ITSN2: variants seen among roughly 807,000 people sequenced by gnomAD.
ITSN2 encodes intersectin-2.
ITSN2 carries 156 observed loss-of-function variants against 243.7 expected under a neutral mutation model. That is an observed-to-expected ratio of 0.64 (90% CI 0.56 to 0.73). The LOEUF (loss-of-function observed/expected upper bound fraction) is 0.73. Among genes scored for constraint, ITSN2 ranks in the 30% least tolerant of loss-of-function variants. ITSN2 has a pLI of 0.00. For synonymous variants in ITSN2, 703 were observed against 699.9 expected (o/e 1.00, Z -0.07); for missense variants, 1,801 against 1,996.1 (o/e 0.90, Z 1.86).
At chr2:24,276,085 G>C (rs766313540) in intron 17 of ITSN2, among the ~76,000 whole-genome samples, 1 of 151,714 alleles carries the variant, frequency 6.6e-6, no homozygotes, top group Non-Finnish European at 1.5e-5. Context: ...TCATTTCTAC[G>C]GAACACAGAA....
chr2:24,356,670 T>C (rs1308089387), intron 1 of ITSN2, among the ~76,000 whole-genome samples: 2 of 152,070 alleles, frequency 1.3e-5, no homozygotes, highest in African/African-American at 2.4e-5. Flanking sequence ...TCCCAGCACT[T>C]TGGGAGGCCA....
intron 13 of ITSN2, among the ~76,000 whole-genome samples, chr2:24,297,307 CTA>C (rs1439829948): frequency 2.0e-5 from 3 of 152,196 alleles, no homozygotes; most frequent in Non-Finnish European, 4.4e-5. Flanking sequence ...TAAAACCCTA[CTA>C]TATGATCAGG....
At chr2:24,245,264 A>G (rs937948138) in intron 29 of ITSN2, among the ~76,000 whole-genome samples, 1 of 152,206 alleles carries the variant, frequency 6.6e-6, no homozygotes, top group East Asian at 1.9e-4. Flanking sequence ...ATAATGAAAT[A>G]GACCTTGATT....
intron 20 of ITSN2, among the ~76,000 whole-genome samples, chr2:24,269,856 A>AAG (rs1677128668): frequency 6.6e-6 from 1 of 152,214 alleles, no homozygotes; most frequent in Non-Finnish European, 1.5e-5. Flanking sequence ...GAATGGTAGG[A>AAG]AGAGCAGACA....
chr2:24,285,960 T>C (rs931136116), intron 16 of ITSN2, among the ~76,000 whole-genome samples: 5 of 152,182 alleles, frequency 3.3e-5, no homozygotes, highest in Non-Finnish European at 5.9e-5. Flanking sequence ...TGGAAATGTA[T>C]AGATGCCAAG....
At position 24,360,418 on chromosome 2, in the gene ITSN2, C is replaced by T. The variant is rs981408787; in HGVS notation, c.-148G>A. ...CCCTGCTCTGCCGCCGTCGCCGCCA[C>T]TGCAGCTGGCTTGGTCGTCAGGCCG... On this transcript the variant is annotated 5_prime_UTR_variant, in exon 1 of 40. The change creates a new upstream start codon in the 5' untranslated region. Coordinates refer to ENST00000355123, the MANE Select transcript of ITSN2 (RefSeq NM_006277.3). The T allele has an allele frequency of 6.6e-6, 1 of 152,608 alleles. No homozygotes were observed. The highest frequency in any genetic ancestry group is 2.1e-4 in the South Asian group (1 of 4,848). The allele number at this position is 152,608 out of a possible 1,614,324, so 9.5% of individuals were successfully genotyped here.
chr2:24,210,128 G>A lies in ITSN2; in HGVS notation c.4258-95C>T, dbSNP rs1270391098. 1.7e-5 allele frequency: 14 copies of A among 835,014 alleles called. No individual in the cohort carries two copies. In the East Asian group the frequency reaches 2.7e-4, roughly 16 times the overall value. The allele number at this position is 835,014 out of a possible 1,614,324, so 51.7% of individuals were successfully genotyped here. A position where few individuals can be genotyped will look rare whatever the true frequency, so the allele number is the denominator to read the frequency against. On this transcript the variant is annotated intron_variant, in intron 34 of 39. Coordinates refer to ENST00000355123, the MANE Select transcript of ITSN2 (RefSeq NM_006277.3). ...GCCCTGGGCCTGAGGATACTGTGGT[G>A]GAGTTTTCTAGGTGGGAATGTGGCT...
At chr2:24,323,128 G>A (rs1684775400) in intron 2 of ITSN2, among the ~76,000 whole-genome samples, 1 of 151,916 alleles carries the variant, frequency 6.6e-6, no homozygotes, top group Admixed American at 6.6e-5. Context: ...AAATGTGACA[G>A]TCACTTTGGA....
chr2:24,303,589 A>T (rs1224727864), intron 9 of ITSN2, among the ~76,000 whole-genome samples: 4 of 152,208 alleles, frequency 2.6e-5, no homozygotes, highest in Non-Finnish European at 2.9e-5. Context: ...TATTTTTTGT[A>T]AATTTGGTGT....
chr2:24,332,118 T>A (rs1028106113), intron 1 of ITSN2, among the ~76,000 whole-genome samples: 4 of 152,218 alleles, frequency 2.6e-5, no homozygotes, highest in Admixed American at 6.5e-5. Context: ...GGCACATGCC[T>A]GTAATCCCAG....
At chr2:24,304,947 T>C (rs775375352) in intron 8 of ITSN2, among the ~76,000 whole-genome samples, 2 of 152,210 alleles carry the variant, frequency 1.3e-5, no homozygotes, top group Non-Finnish European at 2.9e-5. Flanking sequence ...GGATATCCTA[T>C]ATCCTCTGCT....
chr2:24,287,708 C>A (rs1679695688), intron 15 of ITSN2, among the ~76,000 whole-genome samples: 1 of 152,018 alleles, frequency 6.6e-6, no homozygotes, highest in Non-Finnish European at 1.5e-5. Context: ...CTCGTTATCT[C>A]TGATCTTTTT....
rs76261947 is a variant in ITSN2, at chr2:24,249,685, A to T, written c.3121-803T>A. On this transcript the variant is annotated intron_variant, in intron 25 of 39. Transcript: ENST00000355123. This position sits in a 1 kb window ranked among gnomAD's most constrained non-coding sequence, Gnocchi z 4.4. ...AAGTAATTATGATTATCCCCATTTT[A>T]CAGAGAAGGAAACTGAGGCACAGAA... 7.6e-4 allele frequency among the ~76,000 whole-genome samples: 116 copies of T among 152,306 alleles called. No individual in the cohort carries two copies. Among genetic ancestry groups the T allele is most frequent in the African/African-American group, 2.6e-3 (109 of 41,562 alleles).
In ITSN2 at chr2:24,254,417, T is replaced by C; in HGVS notation, c.2903A>G (p.Tyr968Cys). Reference protein sequence around the residue: ...EVKREEPEALYAAVNKKPTSA... With the variant: ...EVKREEPEALCAAVNKKPTSA... ...GGTAGGTTTCTTATTTACAGCTGCATACAAAGCTTCTGGTCTACCAAATAT... is the reference window on the plus strand; with the variant it reads ...GGTAGGTTTCTTATTTACAGCTGCACACAAAGCTTCTGGTCTACCAAATAT... Residue 968 changes from tyrosine to cysteine, a missense_variant, in exon 24 of 40, where the codon TAT (tyrosine) becomes TGT (cysteine). By Grantham distance (194) the Tyr-to-Cys change is radical. This residue lies in a region of ITSN2 where 928 missense variants were observed against 1,065.4 expected (regional missense o/e 0.87). Coordinates refer to ENST00000355123, the MANE Select transcript of ITSN2 (RefSeq NM_006277.3). 6.2e-7 allele frequency: 1 copy of C among 1,611,382 alleles called. No individual in the cohort carries two copies. Among genetic ancestry groups the C allele is most frequent in the Non-Finnish European group, 8.5e-7 (1 of 1,177,864 alleles).
Position 24,305,498 on chromosome 2 carries a change from C to T in ITSN2, c.794-1636G>A, listed in dbSNP as rs1682401695. Among the ~76,000 whole-genome samples, 3 of 149,766 alleles carry T rather than the reference C, an allele frequency of 2.0e-5. No homozygotes were observed. The South Asian group carries it at 6.3e-4, about 32-fold the overall frequency. ...GTAGGAGGCAGGAGAATCGCTGGAA[C>T]CCGGGGAGGCAGAGGCTGCAGTGGG... On this transcript the variant is annotated intron_variant, in intron 8 of 39. Coordinates refer to ENST00000355123, the MANE Select transcript of ITSN2 (RefSeq NM_006277.3).
intron 34 of ITSN2, 147 bp from the exon 35 acceptor site, chr2:24,210,180 C>G (rs908882559): frequency 1.6e-6 from 1 of 617,556 alleles, no homozygotes; most frequent in East Asian, 2.7e-5. Flanking sequence ...CATGAAAGAT[C>G]CTTAAATACA....
intron 18 of ITSN2, among the ~76,000 whole-genome samples, chr2:24,272,545 C>A (rs995172986): frequency 6.6e-6 from 1 of 151,788 alleles, no homozygotes; most frequent in East Asian, 1.9e-4. Context: ...GATCCTCCTG[C>A]CTCAGCCTCC....
At chr2:24,229,814 A>T (rs1173032026) in intron 29 of ITSN2, among the ~76,000 whole-genome samples, 2 of 152,100 alleles carry the variant, frequency 1.3e-5, no homozygotes, top group African/African-American at 4.8e-5. Flanking sequence ...CTCGATCCTC[A>T]TGAGATCCTT....
chr2:24,208,155 T>A, intron 37 of ITSN2, 82 bp downstream of exon 37: 1 of 1,180,414 alleles, frequency 8.5e-7, no homozygotes, highest in South Asian at 1.2e-5. Flanking sequence ...CGTCCCTATA[T>A]CATCAGCCTG....
Sources: gnomAD v4.1 joint callset for allele counts (sites outside exome capture counted in the v4.1 genomes callset) on GRCh38, gnomAD v4.1.1 for gene constraint, gnomAD v4.1.1 regional missense constraint, Gnocchi (gnomAD v3.1) non-coding constraint, MANE v1.5 for transcripts, NCBI Gene and HGNC (gene_info 2026-07-23, HGNC 2026-07-21) for gene names.